POU6F2: variants seen among roughly 807,000 people sequenced by gnomAD.
POU6F2 encodes the protein POU domain, class 6, transcription factor 2.
POU6F2 carries 31 observed loss-of-function variants against 71.3 expected under a neutral mutation model. That is an observed-to-expected ratio of 0.43 (90% CI 0.33 to 0.59). POU6F2 has a LOEUF of 0.59. POU6F2 is among the 20% of genes least tolerant of loss of function. POU6F2 has a pLI of 0.04. For missense variants in POU6F2, 783 were observed against 856.8 expected (o/e 0.91, Z 1.07); for synonymous variants, 347 against 355.7 (o/e 0.98, Z 0.27).
intron 5 of POU6F2, among the ~76,000 whole-genome samples, chr7:39,377,561 G>A (rs968834568): frequency 6.6e-6 from 1 of 152,208 alleles, no homozygotes; most frequent in Non-Finnish European, 1.5e-5. Context: ...AAAGCATATA[G>A]GCGTTGACAG....
chr7:39,176,737 A>G (rs1793338897), intron 2 of POU6F2, among the ~76,000 whole-genome samples: 1 of 152,236 alleles, frequency 6.6e-6, no homozygotes, highest in Non-Finnish European at 1.5e-5. Context: ...TGTTAGCAAG[A>G]AATAACACAT....
At chr7:39,021,225 A>T (rs1357036207) in intron 1 of POU6F2, among the ~76,000 whole-genome samples, 2 of 151,890 alleles carry the variant, frequency 1.3e-5, no homozygotes, top group African/African-American at 2.4e-5. Flanking sequence ...ATCTATTTCA[A>T]TTTATGTTAT....
chr7:39,169,591 G>C (rs1034104678), intron 2 of POU6F2, among the ~76,000 whole-genome samples: 1 of 152,068 alleles, frequency 6.6e-6, no homozygotes, highest in Non-Finnish European at 1.5e-5. Flanking sequence ...TGGGCCTAAC[G>C]TAGACACATG....
chr7:39,281,444 T>C (rs1329666220), intron 4 of POU6F2, among the ~76,000 whole-genome samples: 1 of 152,112 alleles, frequency 6.6e-6, no homozygotes, highest in Non-Finnish European at 1.5e-5. Context: ...CAGTCTCTCT[T>C]TATCCCTCCT....
chr7:39,006,102 G>A (rs1789059444), intron 1 of POU6F2, among the ~76,000 whole-genome samples: 3 of 152,214 alleles, frequency 2.0e-5, no homozygotes, highest in South Asian at 2.1e-4. Flanking sequence ...CAGTCTAACA[G>A]TGTTGGAGTC....
chr7:39,323,974 C>G (rs12538092), intron 4 of POU6F2, among the ~76,000 whole-genome samples: 74,148 of 151,408 alleles, frequency 0.49, 18,381 homozygotes, highest in Middle Eastern at 0.57. Flanking sequence ...CAGGCCTGGT[C>G]GTGGGTGCCT....
chr7:39,427,456 A>T (rs1237257606), intron 6 of POU6F2, among the ~76,000 whole-genome samples: 1 of 152,030 alleles, frequency 6.6e-6, no homozygotes, highest in African/African-American at 2.4e-5. Flanking sequence ...TATTATTGTT[A>T]TTGCTGTTTA....
At chr7:39,181,171 A>G (rs1793426944) in intron 2 of POU6F2, among the ~76,000 whole-genome samples, 2 of 152,068 alleles carry the variant, frequency 1.3e-5, no homozygotes, top group Admixed American at 1.3e-4. Flanking sequence ...TCCACCCTAC[A>G]CATGATGGCA....
At chr7:39,337,427 A>G (rs1785802844) in intron 4 of POU6F2, among the ~76,000 whole-genome samples, 1 of 152,348 alleles carries the variant, frequency 6.6e-6, no homozygotes, top group Non-Finnish European at 1.5e-5. Context: ...GGGAATAAAT[A>G]CCAGGGAAGA....
chr7:39,068,358 A>G (rs1790803687), intron 1 of POU6F2, among the ~76,000 whole-genome samples: 1 of 152,124 alleles, frequency 6.6e-6, no homozygotes, highest in Non-Finnish European at 1.5e-5. Flanking sequence ...TTGGAAGCAC[A>G]TATTAGGCCC....
intron 4 of POU6F2, among the ~76,000 whole-genome samples, chr7:39,311,470 A>G (rs1286462215): frequency 6.6e-6 from 1 of 152,178 alleles, no homozygotes; most frequent in East Asian, 1.9e-4. Flanking sequence ...CCTCCGCTAG[A>G]ACGTAAGCTC....
intron 4 of POU6F2, among the ~76,000 whole-genome samples, chr7:39,310,380 A>G (rs1785139778): frequency 6.6e-6 from 1 of 152,224 alleles, no homozygotes; most frequent in Non-Finnish European, 1.5e-5. Context: ...ATACACAAAT[A>G]TCTGTTTAAG....
chr7:39,355,573 T>C (rs1170096140), intron 5 of POU6F2, among the ~76,000 whole-genome samples: 2 of 152,058 alleles, frequency 1.3e-5, no homozygotes, highest in African/African-American at 2.4e-5. Flanking sequence ...GAAGCAGGTA[T>C]ATCAGTATCC....
chr7:39,328,958 A>G (rs1408582056), intron 4 of POU6F2: 1 of 152,830 alleles, frequency 6.5e-6, no homozygotes, highest in Non-Finnish European at 1.5e-5. Context: ...TCAATATGTT[A>G]AAACCTTCAC....
chr7:39,233,616 G>A (rs1794617963), intron 4 of POU6F2, among the ~76,000 whole-genome samples: 1 of 152,178 alleles, frequency 6.6e-6, no homozygotes, highest in African/African-American at 2.4e-5. Context: ...TTAGGACCTG[G>A]GTTTCTTCAT....
At chr7:39,031,522 A>T (rs1014454323) in intron 1 of POU6F2, among the ~76,000 whole-genome samples, 2 of 152,100 alleles carry the variant, frequency 1.3e-5, no homozygotes, top group African/African-American at 4.8e-5. Flanking sequence ...TTATTTACCC[A>T]CCAGCCTTCA....
At chr7:39,375,624 A>ATT (rs72463292) in intron 5 of POU6F2, among the ~76,000 whole-genome samples, 8 of 146,610 alleles carry the variant, frequency 5.5e-5, no homozygotes, top group Admixed American at 4.8e-4. Flanking sequence ...TTCCTCCTTG[A>ATT]TTTTTTTTTT....
At chr7:39,295,391 A>C (rs902178796) in intron 4 of POU6F2, among the ~76,000 whole-genome samples, 3 of 152,188 alleles carry the variant, frequency 2.0e-5, no homozygotes, top group Non-Finnish European at 4.4e-5. Flanking sequence ...CGAGGCGGGC[A>C]GATCACTTGA....
intron 2 of POU6F2, among the ~76,000 whole-genome samples, chr7:39,145,708 G>C (rs1562722637): frequency 6.6e-6 from 1 of 152,158 alleles, no homozygotes; most frequent in Non-Finnish European, 1.5e-5. Context: ...TGGTACCCCA[G>C]ACTTCTCACC....
Sources: gnomAD v4.1 joint callset for allele counts (sites outside exome capture counted in the v4.1 genomes callset) on GRCh38, gnomAD v4.1.1 for gene constraint, MANE v1.5 for transcripts, NCBI Gene and HGNC (gene_info 2026-07-23, HGNC 2026-07-21) for gene names.